Variants in CAMTA1 observed in about 807,000 individuals in gnomAD.
The protein encoded by CAMTA1 is calmodulin-binding transcription activator 1.
A neutral mutation model predicts 170.9 loss-of-function variants in CAMTA1; 27 were observed. The observed-to-expected ratio is 0.16, with a 90% CI of 0.12 to 0.22. CAMTA1 has a LOEUF of 0.22. Ranked by LOEUF, CAMTA1 falls within the 10% of genes least tolerant of loss-of-function variation. CAMTA1 has a pLI of 1.00. For synonymous variants in CAMTA1, 833 were observed against 891.5 expected, an observed-to-expected ratio of 0.93 and a Z score of 1.17; for missense variants, 1,619 against 2,217.2, an observed-to-expected ratio of 0.73 and a Z score of 5.42.
At chr1:7,522,849 A>C (rs1211319982) in intron 6 of CAMTA1, among the ~76,000 whole-genome samples, 1 of 152,070 alleles carries the variant, frequency 6.6e-6, no homozygotes. Flanking sequence ...TGGGTTCTGT[A>C]TTCTGTTCTG....
At chr1:7,343,722 A>T (rs760532866) in intron 5 of CAMTA1, among the ~76,000 whole-genome samples, 1 of 152,210 alleles carries the variant, frequency 6.6e-6, no homozygotes, top group Non-Finnish European at 1.5e-5. Flanking sequence ...CTTATGACTT[A>T]TAAGTGCATC....
chr1:7,343,534 T>C (rs573842499), intron 5 of CAMTA1, among the ~76,000 whole-genome samples: 30 of 152,328 alleles, frequency 2.0e-4, no homozygotes, highest in African/African-American at 7.2e-4. Context: ...CTTTAGAGTG[T>C]TTGTTTAAAC....
intron 6 of CAMTA1, among the ~76,000 whole-genome samples, chr1:7,603,320 G>A (rs1351677467): frequency 2.0e-5 from 3 of 152,202 alleles, no homozygotes; most frequent in Non-Finnish European, 4.4e-5. Context: ...GGGAGTCTAA[G>A]TCTCTTTGTA....
Position 7,173,098 on chromosome 1 carries a change from G to A in CAMTA1, c.303-76393G>A, listed in dbSNP as rs558382169. 2.6e-5 allele frequency among the ~76,000 whole-genome samples: 4 copies of A among 152,322 alleles called. No individual in the cohort carries two copies. Among genetic ancestry groups the A allele is most frequent in the East Asian group, 3.9e-4 (2 of 5,180 alleles). ...CGAAGCAAGAGCAGCCAGACGCTGC[G>A]TCCCTCCTGTCTCTTCAGCTGCGCC... On this transcript the variant is annotated intron_variant, in intron 4 of 22. Transcript: ENST00000303635. The surrounding 1 kb of genome is among the most constrained non-coding windows in gnomAD (Gnocchi z 5.4).
At chr1:7,584,564 C>T (rs936881568) in intron 6 of CAMTA1, among the ~76,000 whole-genome samples, 5 of 152,162 alleles carry the variant, frequency 3.3e-5, no homozygotes, top group African/African-American at 1.2e-4. Context: ...AGGAAGGAAT[C>T]TTTGTCAGAA....
At chr1:7,150,181 C>T (rs984808253) in intron 4 of CAMTA1, among the ~76,000 whole-genome samples, 9 of 152,208 alleles carry the variant, frequency 5.9e-5, no homozygotes, top group African/African-American at 1.2e-4. Context: ...TGCCTGGACC[C>T]GCATCGCCCT....
At chr1:7,309,682 G>GTAT (rs1557487949) in intron 5 of CAMTA1, among the ~76,000 whole-genome samples, 1 of 151,706 alleles carries the variant, frequency 6.6e-6, no homozygotes, top group East Asian at 1.9e-4. Flanking sequence ...TTTTAGTATT[G>GTAT]TATTTTACAT....
At chr1:7,131,336 G>A (rs1196436306) in intron 4 of CAMTA1, among the ~76,000 whole-genome samples, 2 of 151,984 alleles carry the variant, frequency 1.3e-5, no homozygotes, top group Non-Finnish European at 2.9e-5. Flanking sequence ...ATTTTTTCAT[G>A]GTTCATGCTT....
chr1:7,504,601 C>T (rs12031746), intron 6 of CAMTA1, among the ~76,000 whole-genome samples: 25,345 of 152,320 alleles, frequency 0.17, 2,304 homozygotes, highest in East Asian at 0.35. Flanking sequence ...CCCCACCTGC[C>T]TGCTCCACCT....
At position 6,850,576 on chromosome 1, in the gene CAMTA1, A is replaced by G. The variant is rs138343138; in HGVS notation, c.234+25366A>G. 5.9e-3 allele frequency among the ~76,000 whole-genome samples: 905 copies of G among 152,336 alleles called. 5 individuals carry two copies. Among genetic ancestry groups the G allele is most frequent in the Non-Finnish European group, 8.2e-3 (556 of 68,034 alleles). Reference sequence around the variant, plus strand: ...TGCTGAGAGCAAGTCGAGATGATGGACAAAATTTAAAACAAAATTTATGTG... The same window carrying G: ...TGCTGAGAGCAAGTCGAGATGATGGGCAAAATTTAAAACAAAATTTATGTG... On this transcript the variant is annotated intron_variant, in intron 3 of 22. Transcript: ENST00000303635.
In CAMTA1 at chr1:7,050,347, C is replaced by T. The variant is rs542310296; in HGVS notation, c.235-40957C>T. 3.9e-5 allele frequency among the ~76,000 whole-genome samples: 6 copies of T among 152,274 alleles called. No individual in the cohort carries two copies. Among genetic ancestry groups the T allele is most frequent in the South Asian group, 2.1e-4 (1 of 4,832 alleles). On this transcript the variant is annotated intron_variant, in intron 3 of 22. Coordinates refer to ENST00000303635, the MANE Select transcript of CAMTA1 (RefSeq NM_015215.4). This position sits in a 1 kb window ranked among gnomAD's most constrained non-coding sequence, Gnocchi z 4.8. ...CCTGCACCCTGAGCTACTCCAGAGA[C>T]GGCATCTGTCTGCTCCGGGGCCAGG...
In CAMTA1 at chr1:7,609,988, G is replaced by C. The variant is rs1464964786; in HGVS notation, c.511-30412G>C. ...TTTACCTGAAATACAGCACCTGCCG[G>C]GTCTGTCCACACTGTGTGTGCACTC... On this transcript the variant is annotated intron_variant, in intron 6 of 22. Coordinates refer to ENST00000303635, the MANE Select transcript of CAMTA1 (RefSeq NM_015215.4). The surrounding 1 kb of genome is among the most constrained non-coding windows in gnomAD (Gnocchi z 4.4). 6.6e-6 allele frequency among the ~76,000 whole-genome samples: 1 copy of C among 152,174 alleles called. No individual in the cohort carries two copies. Among genetic ancestry groups the C allele is most frequent in the Admixed American group, 6.5e-5 (1 of 15,284 alleles).
At chr1:6,873,268 A>T (rs1252242963) in intron 3 of CAMTA1, among the ~76,000 whole-genome samples, 7 of 149,952 alleles carry the variant, frequency 4.7e-5, no homozygotes, top group East Asian at 1.9e-4. Flanking sequence ...TTTTTTTTTT[A>T]AATAATGCTT....
At chr1:6,898,825 C>T (rs1676225368) in intron 3 of CAMTA1, among the ~76,000 whole-genome samples, 1 of 152,232 alleles carries the variant, frequency 6.6e-6, no homozygotes, top group African/African-American at 2.4e-5. Flanking sequence ...GACCTCCAGC[C>T]TCTTGTTGCC....
chr1:7,683,607 T>G (rs1157731242), intron 11 of CAMTA1, among the ~76,000 whole-genome samples: 1 of 151,668 alleles, frequency 6.6e-6, no homozygotes, highest in Non-Finnish European at 1.5e-5. Context: ...GGTTAGCGCA[T>G]GGGCCCCTGG....
intron 3 of CAMTA1, among the ~76,000 whole-genome samples, chr1:6,935,454 T>C (rs1685141629): frequency 6.6e-6 from 1 of 152,182 alleles, no homozygotes; most frequent in African/African-American, 2.4e-5. Context: ...CTCTGTCTGC[T>C]CCAGTCGCGG....
At chr1:7,120,701 C>G (rs1025849047) in intron 4 of CAMTA1, among the ~76,000 whole-genome samples, 1 of 152,176 alleles carries the variant, frequency 6.6e-6, no homozygotes, top group Non-Finnish European at 1.5e-5. Flanking sequence ...ACCACAGATC[C>G]CAAAGCCCAT....
In CAMTA1 at chr1:6,821,745, G is replaced by A. The variant is rs554102649; in HGVS notation, c.115+1495G>A. Among the ~76,000 whole-genome samples the A allele has an allele frequency of 1.5e-4, 23 of 152,212 alleles. No homozygotes were observed. In the East Asian group the frequency reaches 4.2e-3, roughly 28 times the overall value. ...CCTTGGCAGAAGTCACAGAATTTTC[G>A]AAGGAAAAGGTCAAATACATTTCTT... On this transcript the variant is annotated intron_variant, in intron 2 of 22. Transcript: ENST00000303635.
chr1:7,266,464 A>C (rs902348131), intron 5 of CAMTA1, among the ~76,000 whole-genome samples: 1 of 152,240 alleles, frequency 6.6e-6, no homozygotes, highest in African/African-American at 2.4e-5. Flanking sequence ...TCTTCCCTGC[A>C]TCCATTTATT....
Sources: allele counts gnomAD v4.1 joint callset (sites outside exome capture counted in the v4.1 genomes callset), GRCh38; gene constraint gnomAD v4.1.1; non-coding constraint Gnocchi (gnomAD v3.1); transcripts MANE v1.5; gene names NCBI Gene and HGNC (gene_info 2026-07-23, HGNC 2026-07-21).